The following MYO3A variants were observed in gnomAD, a reference collection of about 807,000 sequenced individuals.
MYO3A encodes the protein myosin-IIIa.
Under a neutral mutation model 192.7 loss-of-function variants are expected in MYO3A, and 180 were observed. That is an observed-to-expected ratio of 0.93 (90% CI 0.83 to 1.06). The LOEUF (loss-of-function observed/expected upper bound fraction) is 1.06, where lower values mean the gene tolerates loss of function less well. MYO3A is among the 50% of genes least tolerant of loss of function. The pLI, the probability that MYO3A is intolerant of heterozygous loss-of-function variation, is 0.00. For synonymous variants in MYO3A, 628 were observed against 645.3 expected, an observed-to-expected ratio of 0.97 and a Z score of 0.41; for missense variants, 1,896 against 1,905.0, an observed-to-expected ratio of 1.00 and a Z score of 0.09.
At chr10:25,971,434 A>G (rs1184272260) in intron 4 of MYO3A, among the ~76,000 whole-genome samples, 2 of 152,180 alleles carry the variant, frequency 1.3e-5, no homozygotes. Context: ...AATTATCATT[A>G]CTAGTGCTCT....
intron 6 of MYO3A, among the ~76,000 whole-genome samples, chr10:26,015,567 C>G (rs1448314123): frequency 6.6e-6 from 1 of 152,114 alleles, no homozygotes; most frequent in Admixed American, 6.6e-5. Context: ...AGTTTACTAA[C>G]CTGAAAATGA....
At chr10:26,026,009 T>C (rs1842522316) in intron 9 of MYO3A, among the ~76,000 whole-genome samples, 1 of 152,248 alleles carries the variant, frequency 6.6e-6, no homozygotes, top group African/African-American at 2.4e-5. Context: ...GCATTAGAAC[T>C]ATAATGACTT....
At chr10:26,180,253 TC>T (rs1326242269) in intron 31 of MYO3A, among the ~76,000 whole-genome samples, 1 of 152,030 alleles carries the variant, frequency 6.6e-6, no homozygotes, top group Non-Finnish European at 1.5e-5. Flanking sequence ...TATCAAAAGA[TC>T]AAAAAAACTA....
chr10:26,004,944 G>A (rs2130955213), intron 6 of MYO3A, among the ~76,000 whole-genome samples: 1 of 152,206 alleles, frequency 6.6e-6, no homozygotes, highest in Middle Eastern at 3.4e-3. Flanking sequence ...TTCATCATTT[G>A]GTAACCATCT....
At chr10:26,017,007 C>A in intron 7 of MYO3A, 111 bp downstream of exon 7, 1 of 1,162,924 alleles carries the variant, frequency 8.6e-7, no homozygotes, top group Non-Finnish European at 1.3e-6. Flanking sequence ...AAGAAACTCT[C>A]AGTTGTGTTA....
At chr10:26,014,605 G>A (rs1368366896) in intron 6 of MYO3A, among the ~76,000 whole-genome samples, 5 of 152,104 alleles carry the variant, frequency 3.3e-5, no homozygotes, top group African/African-American at 1.2e-4. Context: ...TCATGGAACA[G>A]TCTAGGAAGC....
chr10:26,146,152 A>G (rs930346632), intron 22 of MYO3A, among the ~76,000 whole-genome samples: 1 of 152,234 alleles, frequency 6.6e-6, no homozygotes, highest in Non-Finnish European at 1.5e-5. Context: ...ACATTCCCAC[A>G]GCAGAGAAAA....
intron 17 of MYO3A, 107 bp downstream of exon 17, chr10:26,096,789 A>T (rs1012296969): frequency 2.6e-6 from 2 of 780,400 alleles, no homozygotes; most frequent in Non-Finnish European, 4.4e-6. Flanking sequence ...AGTGCTTTAC[A>T]TAAATTGAAA....
chr10:26,110,955 C>A (rs979569654), intron 17 of MYO3A, among the ~76,000 whole-genome samples: 1 of 150,922 alleles, frequency 6.6e-6, no homozygotes, highest in Non-Finnish European at 1.5e-5. Context: ...GTTTCAAACT[C>A]CTGAGCTCAA....
chr10:26,073,189 A>T (rs1220918141), intron 14 of MYO3A, among the ~76,000 whole-genome samples: 1 of 152,134 alleles, frequency 6.6e-6, no homozygotes, highest in Non-Finnish European at 1.5e-5. Context: ...GCACCACCGC[A>T]CTCCAGCCTG....
chr10:26,026,533 G>C lies in MYO3A; in HGVS notation c.953+1G>C, dbSNP rs371225282. The C allele has an allele frequency of 1.9e-6, 3 of 1,613,836 alleles. No individual in the cohort carries two copies. Among genetic ancestry groups the C allele is most frequent in the Non-Finnish European group, 2.5e-6 (3 of 1,179,884 alleles). Reference sequence around the variant, plus strand: ...GCATGGGAGGCACAGAAAAGGCCAGGTAATCAAATAATATCTTGATTCCAA... The same window carrying C: ...GCATGGGAGGCACAGAAAAGGCCAGCTAATCAAATAATATCTTGATTCCAA... On this transcript the variant is annotated splice_donor_variant, in intron 10 of 34. Coordinates refer to ENST00000642920, the MANE Select transcript of MYO3A (RefSeq NM_017433.5). LOFTEE classifies it high-confidence loss of function.
chr10:25,948,594 T>G (rs1837011801), intron 2 of MYO3A, among the ~76,000 whole-genome samples: 1 of 152,142 alleles, frequency 6.6e-6, no homozygotes, highest in Non-Finnish European at 1.5e-5. Context: ...TTAGGGAAAA[T>G]ATATGAACAT....
chr10:26,192,469 C>A (rs1161246478), intron 31 of MYO3A, among the ~76,000 whole-genome samples: 2 of 152,048 alleles, frequency 1.3e-5, no homozygotes, highest in African/African-American at 4.8e-5. Flanking sequence ...GAGGCTGGTA[C>A]AAGGGGGAGG....
chr10:26,072,052 T>C lies in MYO3A; in HGVS notation c.1359+1651T>C, dbSNP rs564869753. Reference sequence around the variant, plus strand: ...AGGGCAAGCAAGGACCCTCTTCACATGGCAGCAGGAGAGAGAACAGTGAGA... The same window carrying C: ...AGGGCAAGCAAGGACCCTCTTCACACGGCAGCAGGAGAGAGAACAGTGAGA... On this transcript the variant is annotated intron_variant, in intron 14 of 34. Transcript: ENST00000642920. 5.4e-5 allele frequency among the ~76,000 whole-genome samples: 8 copies of C among 147,044 alleles called. No individual in the cohort carries two copies. The East Asian group carries it at 1.6e-3, about 29-fold the overall frequency.
At chr10:26,158,254 A>ATT (rs71521668) in intron 26 of MYO3A, among the ~76,000 whole-genome samples, 19 of 141,464 alleles carry the variant, frequency 1.3e-4, no homozygotes, top group African/African-American at 4.3e-4. Flanking sequence ...GTTTTATTTT[A>ATT]TTTTTTTTTT....
Position 26,157,332 on chromosome 10 carries a change from C to T in MYO3A, c.2816C>T (p.Ser939Phe), listed in dbSNP as rs746298813. 2.5e-6 allele frequency: 4 copies of T among 1,614,014 alleles called. No homozygotes were observed. Among genetic ancestry groups the T allele is most frequent in the Non-Finnish European group, 3.4e-6 (4 of 1,179,968 alleles). ...TAGTATTCCCTGATGGATTTGTTGT[C>T]TAAAATGGTGGTGGGCCAACCTCAT... ...YFRYSLMDLL[S>F]KMVVGQPHFV... Residue 939 changes from serine (S) to phenylalanine (F), a missense_variant, in exon 26 of 35, where the codon TCT becomes TTT. By Grantham distance (155) the Ser-to-Phe change is radical. Coordinates refer to ENST00000642920, the MANE Select transcript of MYO3A (RefSeq NM_017433.5).
chr10:26,125,476 C>T lies in MYO3A; in HGVS notation c.1982C>T (p.Thr661Ile), dbSNP rs763455318. Residue 661 changes from threonine (T) to isoleucine (I), a missense_variant, in exon 19 of 35, where the codon ACA (threonine) becomes ATA (isoleucine). Coordinates refer to ENST00000642920, the MANE Select transcript of MYO3A (RefSeq NM_017433.5). ...CACTGTGTGGTCACTAGAGGAGAAA[C>T]AATTATACGACCCAATACTGTAGAA... ...TSHCVVTRGE[T>I]IIRPNTVEKA... 1.2e-6 allele frequency: 2 copies of T among 1,614,008 alleles called. No individual in the cohort carries two copies. The highest frequency in any genetic ancestry group is 8.5e-7 in the Non-Finnish European group (1 of 1,179,930).
At position 25,952,140 on chromosome 10, in the gene MYO3A, C is replaced by G. The variant is rs538880676; in HGVS notation, c.30C>G (p.Ile10Met). MFPLIGKTI[I>M]FDNFPDPSDT... Reference sequence around the variant, plus strand: ...TTCCATTAATTGGAAAAACAATCATCTTTGATAACTTTCCTGATCCTTCTG... The same window carrying G: ...TTCCATTAATTGGAAAAACAATCATGTTTGATAACTTTCCTGATCCTTCTG... The change falls in exon 3 of 35, where the codon ATC (isoleucine) becomes ATG (methionine). Residue 10 changes from isoleucine to methionine, a missense_variant. By Grantham distance (10) the Ile-to-Met change is conservative (BLOSUM62 1). Coordinates refer to ENST00000642920, the MANE Select transcript of MYO3A (RefSeq NM_017433.5). 2 of 1,612,008 alleles carry G rather than the reference C, an allele frequency of 1.2e-6. No homozygotes were observed. The highest frequency in any genetic ancestry group is 2.2e-5 in the South Asian group (2 of 91,034).
chr10:26,105,535 T>C (rs780934004), intron 17 of MYO3A, among the ~76,000 whole-genome samples: 2 of 152,082 alleles, frequency 1.3e-5, no homozygotes, highest in Non-Finnish European at 2.9e-5. Flanking sequence ...GTTGCCCCTT[T>C]TATTGAATTA....
Sources: allele counts gnomAD v4.1 joint callset (sites outside exome capture counted in the v4.1 genomes callset), GRCh38; gene constraint gnomAD v4.1.1; transcripts MANE v1.5; gene names NCBI Gene and HGNC (gene_info 2026-07-23, HGNC 2026-07-21).